FLII: variants seen among roughly 807,000 people sequenced by gnomAD.
FLII encodes protein flightless-1 homolog.
A neutral mutation model predicts 156.2 loss-of-function variants in FLII; 101 were observed. The observed-to-expected ratio is 0.65, with a 90% confidence interval of 0.55 to 0.76. FLII has a LOEUF of 0.76. Ranked by LOEUF, FLII falls within the 30% of genes least tolerant of loss-of-function variation. The probability of loss-of-function intolerance (pLI) is 0.00; values close to 1 mark genes in which losing one functional copy is unlikely to be tolerated. For synonymous variants in FLII, 767 were observed against 685.8 expected (o/e 1.12, Z -1.85); for missense variants, 1,675 against 1,682.8 (o/e 1.00, Z 0.08).
At chr17:18,252,294 G>A (rs2048296259) in intron 10 of FLII, 148 bp from the exon 11 acceptor site, 3 of 924,336 alleles carry the variant, frequency 3.2e-6, no homozygotes, top group Non-Finnish European at 5.0e-6. Flanking sequence ...GGGCTGGCTG[G>A]GGGCTTAAAT....
At position 18,252,576 on chromosome 17, in the gene FLII, C is replaced by G. The variant is rs1413495494; in HGVS notation, c.1014-20G>C. The G allele has an allele frequency of 3.7e-6, 6 of 1,603,916 alleles. No individual in the cohort carries two copies. The Admixed American group carries it at 1.0e-4, about 27-fold the overall frequency. ...GGGCACCTGTGAAGACAGGGCCAGC[C>G]AGGGCCTCAGGCAGGTGACAGACAA... On this transcript the variant is annotated intron_variant, in intron 9 of 29. Transcript: ENST00000327031.
Position 18,247,857 on chromosome 17 carries a change from C to G in FLII, c.2296-9G>C, listed in dbSNP as rs1397317579. On this transcript the variant is annotated splice_polypyrimidine_tract_variant and intron_variant, in intron 19 of 29. Coordinates refer to ENST00000327031, the MANE Select transcript of FLII (RefSeq NM_002018.4). The stretch of plus-strand genomic sequence containing the variant: ...TCCAGCAGACTCTGCAGCTGCGGAC[C>G]GGGAGTCTGGAGGTCAAAGCCCAGC... The G allele has an allele frequency of 1.9e-6, 3 of 1,613,812 alleles. No homozygotes were observed. Among genetic ancestry groups the G allele is most frequent in the Middle Eastern group, 1.6e-4 (1 of 6,076 alleles).
chr17:18,248,612 G>A lies in FLII; in HGVS notation c.2128C>T (p.Pro710Ser), dbSNP rs928111948. The A allele has an allele frequency of 3.1e-6, 5 of 1,613,544 alleles. No homozygotes were observed. Among genetic ancestry groups the A allele is most frequent in the African/African-American group, 2.7e-5 (2 of 74,908 alleles). Residue 710 changes from proline (P) to serine (S), a missense_variant, in exon 18 of 30, where the codon CCC becomes TCC. Coordinates refer to ENST00000327031, the MANE Select transcript of FLII (RefSeq NM_002018.4). The stretch of plus-strand genomic sequence containing the variant: ...GGCACGTGCTTCTTGATCTCAGAGG[G>A]CTCCCCACCCAGTGCCTCCCAGAAC... ...PEFWEALGGEPSEIKKHVPED... is the reference protein window; with the variant it reads ...PEFWEALGGESSEIKKHVPED...
chr17:18,256,892 C>T lies in FLII; in HGVS notation c.174+17G>A, dbSNP rs750249376. On this transcript the variant is annotated intron_variant, in intron 2 of 29. Transcript: ENST00000327031. ...TCATCCACAGGGACCCTCCCCTGCC[C>T]GCCCAAACCCCCTTACCAGCTTCTG... 31 of 1,564,766 alleles carry T rather than the reference C, an allele frequency of 2.0e-5. No individual in the cohort carries two copies. The highest frequency in any genetic ancestry group is 4.6e-5 in the South Asian group (4 of 86,554).
At position 18,246,618 on chromosome 17, in the gene FLII, C is replaced by G; in HGVS notation, c.3027G>C (p.Glu1009Asp). 1 of 1,614,016 alleles carries G rather than the reference C, an allele frequency of 6.2e-7. No homozygotes were observed. Among genetic ancestry groups the G allele is most frequent in the Non-Finnish European group, 8.5e-7 (1 of 1,179,954 alleles). Residue 1009 changes from glutamate to aspartate, a missense_variant, in exon 23 of 30, where the codon GAG (glutamate) becomes GAC (aspartate). Coordinates refer to ENST00000327031, the MANE Select transcript of FLII (RefSeq NM_002018.4). Reference protein sequence around the residue: ...TFTFSLQKKFESLFPGKLEVV... With the variant: ...TFTFSLQKKFDSLFPGKLEVV... ...CCTCCAGCTTCCCAGGGAAGAGGCTCTCGAACTTCTTTTGCAGGCTGAAGG... is the reference window on the plus strand; with the variant it reads ...CCTCCAGCTTCCCAGGGAAGAGGCTGTCGAACTTCTTTTGCAGGCTGAAGG...
At chr17:18,246,128 T>C in intron 25 of FLII, 34 bp downstream of exon 25, 1 of 1,614,080 alleles carries the variant, frequency 6.2e-7, no homozygotes. Context: ...CACCCCTTGG[T>C]CCACGGAGTC....
rs1244021062 is a variant in FLII at position 18,245,137 on chromosome 17, CTT to C, written c.3809_3810del (p.Ter1270=). The C allele has an allele frequency of 4.3e-6, 7 of 1,611,094 alleles. No individual in the cohort carries two copies. Among genetic ancestry groups the C allele is most frequent in the Non-Finnish European group, 5.9e-6 (7 of 1,178,182 alleles). On this transcript the variant is annotated frameshift_variant and stop_lost, in exon 30 of 30. Transcript: ENST00000327031. LOFTEE classifies it high-confidence loss of function. ...CAAGCCTGGGGCTGTGCCAGCCTGTCTTAGGCCAGGGCCTTGCAGAAGGCGCT... is the reference window on the plus strand; with the variant it reads ...CAAGCCTGGGGCTGTGCCAGCCTGTCAGGCCAGGGCCTTGCAGAAGGCGCT... The part of the protein sequence containing the change: ...AWSAFCKALA[*>X]
chr17:18,256,672 T>A (rs1035056209), intron 2 of FLII, 75 bp from the exon 3 acceptor site: 4 of 1,338,848 alleles, frequency 3.0e-6, no homozygotes, highest in Non-Finnish European at 3.1e-6. Flanking sequence ...TCCACAACTC[T>A]GCACCATCCA....
rs377091904 is a variant in FLII at position 18,254,807 on chromosome 17, G to C, written c.375C>G (p.Asn125Lys). ...QLTECPRELE[N>K]AKNMLVLNLS... Reference sequence around the variant, plus strand: ...GGTTCAGCACCAGCATGTTCTTGGCGTTCTCCAGCTCCCGCGGGCACTCTG... The same window carrying C: ...GGTTCAGCACCAGCATGTTCTTGGCCTTCTCCAGCTCCCGCGGGCACTCTG... Residue 125 changes from asparagine (N) to lysine (K), a missense_variant, in exon 5 of 30, where the codon AAC (asparagine) becomes AAG (lysine). Around this residue, in one of 2 missense-constraint regions of FLII, gnomAD observed 343 missense variants for 413.5 expected, o/e 0.83. Coordinates refer to ENST00000327031, the MANE Select transcript of FLII (RefSeq NM_002018.4). 1.1e-5 allele frequency: 17 copies of C among 1,614,006 alleles called. No individual in the cohort carries two copies. Among genetic ancestry groups the C allele is most frequent in the Non-Finnish European group, 1.4e-5 (17 of 1,180,032 alleles).
chr17:18,251,481 G>A lies in FLII; in HGVS notation c.1384-4C>T. On this transcript the variant is annotated splice_polypyrimidine_tract_variant and splice_region_variant and intron_variant, in intron 12 of 29. Coordinates refer to ENST00000327031, the MANE Select transcript of FLII (RefSeq NM_002018.4). Reference sequence around the variant, plus strand: ...GGGCCCGGGCATCTGCGCTCTCCTGGGGGCAGAGTCACAGAGCACGGCTTG... The same window carrying A: ...GGGCCCGGGCATCTGCGCTCTCCTGAGGGCAGAGTCACAGAGCACGGCTTG... The A allele has an allele frequency of 6.3e-7, 1 of 1,599,866 alleles. No individual in the cohort carries two copies. The highest frequency in any genetic ancestry group is 8.5e-7 in the Non-Finnish European group (1 of 1,172,446).
intron 26 of FLII, 22 bp downstream of exon 26, chr17:18,245,912 G>C: frequency 6.2e-7 from 1 of 1,611,610 alleles, no homozygotes; most frequent in Non-Finnish European, 8.5e-7. Context: ...GTGTGTGCCC[G>C]CCTGCCCGCC....
intron 13 of FLII, 86 bp downstream of exon 13, chr17:18,251,179 T>A: frequency 6.7e-7 from 1 of 1,500,748 alleles, no homozygotes; most frequent in Non-Finnish European, 9.1e-7. Context: ...CTGGCCTCCC[T>A]GAACAAAACT....
At position 18,245,824 on chromosome 17, in the gene FLII, C is replaced by A. The variant is rs1170254874; in HGVS notation, c.3423G>T (p.Glu1141Asp). The A allele has an allele frequency of 2.5e-6, 4 of 1,613,902 alleles. No individual in the cohort carries two copies. Among genetic ancestry groups the A allele is most frequent in the Non-Finnish European group, 3.4e-6 (4 of 1,180,000 alleles). The part of the protein sequence containing the change: ...KQVINEGEEP[E>D]NFFWVGIGAQ... Reference sequence around the variant, plus strand: ...CCCCAATGCCCACCCAGAAGAAGTTCTCAGGCTCCTCACCTTCGTTGATAA... The same window carrying A: ...CCCCAATGCCCACCCAGAAGAAGTTATCAGGCTCCTCACCTTCGTTGATAA... The change falls in exon 27 of 30, where the codon GAG (glutamate) becomes GAT (aspartate). Residue 1141 changes from glutamate (E) to aspartate (D), a missense_variant. Around this residue, in one of 2 missense-constraint regions of FLII, gnomAD observed 1,332 missense variants for 1,269.3 expected, o/e 1.05. Transcript: ENST00000327031.
At chr17:18,254,719 C>T in intron 5 of FLII, 37 bp from the exon 6 acceptor site, 3 of 1,613,830 alleles carry the variant, frequency 1.9e-6, no homozygotes, top group Middle Eastern at 3.3e-4. Flanking sequence ...GAGTCAGCAC[C>T]AGCCACCCCA....
Position 18,246,575 on chromosome 17 carries a change from G to A in FLII, c.3051+19C>T. On this transcript the variant is annotated intron_variant, in intron 23 of 29. Coordinates refer to ENST00000327031, the MANE Select transcript of FLII (RefSeq NM_002018.4). ...CACCCCTCCGCCTGGCCTCGGGCTC[G>A]CGGGGCTGCCAGGCACACCTCCAGC... The A allele has an allele frequency of 1.2e-6, 2 of 1,612,842 alleles. No homozygotes were observed. Among genetic ancestry groups the A allele is most frequent in the South Asian group, 1.1e-5 (1 of 91,062 alleles).
chr17:18,258,528 G>A lies in FLII; in HGVS notation c.63+100C>T. ...GCCCCGGCCGCAGTCCCTGGGACAC[G>A]CAGGGCCTGGAGCCGAGCGGGACAG... On this transcript the variant is annotated intron_variant, in intron 1 of 29. Transcript: ENST00000327031. The surrounding 1 kb of genome is among the most constrained non-coding windows in gnomAD (Gnocchi z 4.2). 6.6e-7 allele frequency: 1 copy of A among 1,512,032 alleles called. No individual in the cohort carries two copies. 93.7% of individuals were successfully genotyped at this position (1,512,032 alleles called of 1,614,324 possible). A position where few individuals can be genotyped will look rare whatever the true frequency, so the allele number is the denominator to read the frequency against.
chr17:18,245,772 C>G lies in FLII; in HGVS notation c.3475G>C (p.Glu1159Gln), dbSNP rs200966684. The change falls in exon 27 of 30, where the codon GAG becomes CAG. Residue 1159 changes from glutamate to glutamine, a missense_variant. By Grantham distance (29) the Glu-to-Gln change is conservative (BLOSUM62 2). Coordinates refer to ENST00000327031, the MANE Select transcript of FLII (RefSeq NM_002018.4). Reference sequence around the variant, plus strand: ...AAGAGACGTGTGTGTTTCATGTACTCGGCATCGTCATCATAGGGCTTCTGT... The same window carrying G: ...AAGAGACGTGTGTGTTTCATGTACTGGGCATCGTCATCATAGGGCTTCTGT... ...GAQKPYDDDA[E>Q]YMKHTRLFRC... is the part of the protein sequence containing the mutation. The G allele has an allele frequency of 1.2e-6, 2 of 1,613,870 alleles. No individual in the cohort carries two copies. Among genetic ancestry groups the G allele is most frequent in the Admixed American group, 1.7e-5 (1 of 59,998 alleles).
rs374340410 is a variant in FLII at position 18,248,787 on chromosome 17, G to A, written c.2018+13C>T. 24 of 1,613,858 alleles carry A rather than the reference G, an allele frequency of 1.5e-5. No homozygotes were observed. Among genetic ancestry groups the A allele is most frequent in the African/African-American group, 4.0e-5 (3 of 74,920 alleles). ...CTTTCCTTCACACAAAAGACCCCAC[G>A]GTGTCCTTGTACCTGGCCTTGGTGG... On this transcript the variant is annotated intron_variant, in intron 17 of 29. Coordinates refer to ENST00000327031, the MANE Select transcript of FLII (RefSeq NM_002018.4).
chr17:18,250,834 G>A lies in FLII; in HGVS notation c.1776+4C>T, dbSNP rs926110656. 1.9e-6 allele frequency: 3 copies of A among 1,606,508 alleles called. No individual in the cohort carries two copies. Among genetic ancestry groups the A allele is most frequent in the Non-Finnish European group, 2.6e-6 (3 of 1,174,480 alleles). Reference sequence around the variant, plus strand: ...GCCCACCCCCAATTTTAACGGGCTGGCACCTGCAGGAACTCCTCGCTCTCA... The same window carrying A: ...GCCCACCCCCAATTTTAACGGGCTGACACCTGCAGGAACTCCTCGCTCTCA... On this transcript the variant is annotated splice_donor_region_variant and intron_variant, in intron 14 of 29. Coordinates refer to ENST00000327031, the MANE Select transcript of FLII (RefSeq NM_002018.4).
Sources: gnomAD v4.1 joint callset for allele counts on GRCh38, gnomAD v4.1.1 for gene constraint, gnomAD v4.1.1 regional missense constraint, Gnocchi (gnomAD v3.1) non-coding constraint, MANE v1.5 for transcripts, NCBI Gene and HGNC (gene_info 2026-07-23, HGNC 2026-07-21) for gene names.